The following PPP2R3A variants were observed in gnomAD, a reference collection of about 807,000 sequenced individuals.
PPP2R3A encodes the protein protein phosphatase 2 regulatory subunit B''alpha.
A neutral mutation model predicts 106.9 loss-of-function variants in PPP2R3A; 80 were observed. The ratio of observed to expected loss-of-function variants is 0.75; its 90% CI spans 0.62 to 0.90. The LOEUF (loss-of-function observed/expected upper bound fraction) is 0.90. PPP2R3A is among the 40% of genes least tolerant of loss of function. PPP2R3A has a pLI of 0.00. For missense variants in PPP2R3A, 1,386 were observed against 1,350.4 expected (o/e 1.03, Z -0.41); for synonymous variants, 483 against 468.3 (o/e 1.03, Z -0.41).
intron 9 of PPP2R3A, 49 bp downstream of exon 9, chr3:136,087,980 C>A: frequency 6.8e-7 from 1 of 1,463,544 alleles, no homozygotes; most frequent in South Asian, 1.2e-5. Context: ...CAAGTAATAC[C>A]ATAACCATCT....
intron 7 of PPP2R3A, among the ~76,000 whole-genome samples, chr3:136,080,585 C>G (rs1428397340): frequency 6.6e-6 from 1 of 152,118 alleles, no homozygotes; most frequent in Non-Finnish European, 1.5e-5. Context: ...TCTTACATAT[C>G]AAAGGACATT....
chr3:136,001,405 T>C lies in PPP2R3A; in HGVS notation c.-94T>C, dbSNP rs953039211. 6.4e-5 allele frequency: 67 copies of C among 1,054,584 alleles called. 1 individual carries two copies. The Admixed American group carries it at 6.7e-4, about 10-fold the overall frequency. 65.3% of individuals were successfully genotyped at this position (1,054,584 alleles called of 1,614,324 possible). ...TGGAAGAAACCACTGAACATTGTTA[T>C]TAAATATATTTTCAGCTAACTGTCA... On this transcript the variant is annotated 5_prime_UTR_variant, in exon 2 of 14. Transcript: ENST00000264977.
chr3:136,085,481 T>C (rs1936903894), intron 8 of PPP2R3A, among the ~76,000 whole-genome samples: 2 of 152,132 alleles, frequency 1.3e-5, no homozygotes, highest in South Asian at 2.1e-4. Flanking sequence ...GGTTTCGCCT[T>C]GTTGCCCAGG....
intron 5 of PPP2R3A, among the ~76,000 whole-genome samples, chr3:136,068,098 G>A (rs571423637): frequency 1.9e-4 from 29 of 151,598 alleles, no homozygotes; most frequent in African/African-American, 6.5e-4. Flanking sequence ...CACACCTGTA[G>A]TTCCAGCTAC....
intron 1 of PPP2R3A, among the ~76,000 whole-genome samples, chr3:135,979,235 C>T (rs1393834486): frequency 6.6e-6 from 1 of 151,460 alleles, no homozygotes; most frequent in African/African-American, 2.4e-5. Context: ...GAAAATTAGC[C>T]GGGTGTGATG....
At chr3:135,984,205 A>C (rs894236097) in intron 1 of PPP2R3A, among the ~76,000 whole-genome samples, 1 of 152,084 alleles carries the variant, frequency 6.6e-6, no homozygotes, top group Admixed American at 6.6e-5. Flanking sequence ...CTGGAATTGT[A>C]GCAGGGATTT....
At position 136,107,519 on chromosome 3, in the gene PPP2R3A, T is replaced by C. The variant is rs1359025940; in HGVS notation, c.3329+1197T>C. ...AGGTCAGCCTCCTGAGGCATAGAGA[T>C]AGAGGAAGAGCAGGTCTAGAGGGAT... On this transcript the variant is annotated intron_variant, in intron 13 of 13. Coordinates refer to ENST00000264977, the MANE Select transcript of PPP2R3A (RefSeq NM_002718.5). Among the ~76,000 whole-genome samples, 7 of 144,692 alleles carry C rather than the reference T, an allele frequency of 4.8e-5. No homozygotes were observed. The East Asian group carries it at 1.5e-3, about 30-fold the overall frequency. The allele number at this position is 144,692 out of a possible 152,430, so 94.9% of individuals were successfully genotyped here.
chr3:136,076,952 G>GA (rs397942257), intron 6 of PPP2R3A, among the ~76,000 whole-genome samples: 19,956 of 107,796 alleles, frequency 0.19, 1,898 homozygotes, highest in African/African-American at 0.32. Flanking sequence ...GTCTCAGAAA[G>GA]AAAAAAAAAA....
At chr3:136,096,922 T>A (rs1036085982) in intron 10 of PPP2R3A, among the ~76,000 whole-genome samples, 5 of 152,226 alleles carry the variant, frequency 3.3e-5, no homozygotes, top group African/African-American at 1.2e-4. Flanking sequence ...TGAGCTGCGA[T>A]CATGTCACTG....
intron 3 of PPP2R3A, among the ~76,000 whole-genome samples, chr3:136,031,220 T>G (rs1934879068): frequency 1.3e-5 from 2 of 152,174 alleles, no homozygotes; most frequent in South Asian, 4.1e-4. Flanking sequence ...AGGGGTAAGG[T>G]GGTATCGCAT....
intron 4 of PPP2R3A, among the ~76,000 whole-genome samples, chr3:136,047,871 C>G (rs1262348593): frequency 6.6e-6 from 1 of 151,428 alleles, no homozygotes; most frequent in Non-Finnish European, 1.5e-5. Flanking sequence ...CGCCACTGCA[C>G]TCCAGCGTAG....
chr3:135,968,510 C>T (rs976635160), intron 1 of PPP2R3A, among the ~76,000 whole-genome samples: 1 of 152,156 alleles, frequency 6.6e-6, no homozygotes, highest in East Asian at 1.9e-4. Context: ...CTTTTGGGAA[C>T]CCAGAAGCCA....
At position 136,078,523 on chromosome 3, in the gene PPP2R3A, T is replaced by C. The variant is rs1031941643; in HGVS notation, c.2631+70T>C. 4.4e-5 allele frequency: 45 copies of C among 1,018,558 alleles called. No homozygotes were observed. In the African/African-American group the frequency reaches 7.0e-4, roughly 16 times the overall value. 63.1% of individuals were successfully genotyped at this position (1,018,558 alleles called of 1,614,324 possible). A position where few individuals can be genotyped will look rare whatever the true frequency, so the allele number is the denominator to read the frequency against. On this transcript the variant is annotated intron_variant, in intron 7 of 13. Transcript: ENST00000264977. ...ATTTTCTTACTTTATTTAACAAATA[T>C]TTGAGCGCTTACTCTATTCAAAGCA...
At chr3:135,983,860 T>C (rs757653957) in intron 1 of PPP2R3A, among the ~76,000 whole-genome samples, 11 of 152,248 alleles carry the variant, frequency 7.2e-5, no homozygotes, top group South Asian at 2.1e-4. Context: ...AACAAACTTA[T>C]AGCCTGAAGT....
intron 13 of PPP2R3A, among the ~76,000 whole-genome samples, chr3:136,139,751 C>G (rs1200293848): frequency 6.6e-6 from 1 of 150,732 alleles, no homozygotes; most frequent in Non-Finnish European, 1.5e-5. Context: ...AGCCTGTAAT[C>G]CCAACATTTT....
intron 5 of PPP2R3A, among the ~76,000 whole-genome samples, chr3:136,064,924 T>G (rs767596073): frequency 6.6e-6 from 1 of 152,110 alleles, no homozygotes; most frequent in Non-Finnish European, 1.5e-5. Context: ...GTGTGGATAA[T>G]CTATAGAAAA....
rs986907289 is a variant in PPP2R3A at position 136,049,313 on chromosome 3, G to A, written c.2421G>A (p.Lys807=). ...CTAAATTCATCTGTCTTCTAGCAAA[G>A]CCCAACTGCAGCTCTCTAGAACAGG... is the stretch of plus-strand genomic sequence containing the variant. ...DASKFICLLA[K]PNCSSLEQED... The change falls in exon 5 of 14, where the codon AAG becomes AAA. Residue 807 remains lysine (K), a synonymous_variant. Coordinates refer to ENST00000264977, the MANE Select transcript of PPP2R3A (RefSeq NM_002718.5). 1 of 1,613,824 alleles carries A rather than the reference G, an allele frequency of 6.2e-7. No individual in the cohort carries two copies. The highest frequency in any genetic ancestry group is 2.2e-5 in the East Asian group (1 of 44,862).
intron 13 of PPP2R3A, among the ~76,000 whole-genome samples, chr3:136,136,074 T>A (rs373808902): frequency 0.055 from 1,671 of 30,268 alleles, 144 homozygotes; most frequent in African/African-American, 0.11. Flanking sequence ...AAAAAAAAAA[T>A]TATATATATA....
chr3:136,082,104 G>C (rs180826434), intron 7 of PPP2R3A, among the ~76,000 whole-genome samples, 161 bp from the exon 8 acceptor site: 1 of 152,228 alleles, frequency 6.6e-6, no homozygotes, highest in Admixed American at 6.5e-5. Context: ...TAGATTGATT[G>C]GTTGATTAAA....
Sources: gnomAD v4.1 joint callset for allele counts (sites outside exome capture counted in the v4.1 genomes callset) on GRCh38, gnomAD v4.1.1 for gene constraint, MANE v1.5 for transcripts, NCBI Gene and HGNC (gene_info 2026-07-23, HGNC 2026-07-21) for gene names.